GALNTL6: variants seen among roughly 807,000 people sequenced by gnomAD.
GALNTL6 encodes polypeptide N-acetylgalactosaminyltransferase like 6.
Under a neutral mutation model 73.7 loss-of-function variants are expected in GALNTL6, and 46 were observed. That is an observed-to-expected ratio of 0.62 (90% CI 0.49 to 0.80). GALNTL6 has a LOEUF of 0.80. GALNTL6 is among the 30% of genes least tolerant of loss of function. GALNTL6 has a pLI of 0.00. For synonymous variants in GALNTL6, 259 were observed against 263.7 expected, an observed-to-expected ratio of 0.98 and a Z score of 0.17; for missense variants, 604 against 755.0, an observed-to-expected ratio of 0.80 and a Z score of 2.34.
chr4:173,030,800 G>A (rs1315015895), intron 12 of GALNTL6, among the ~76,000 whole-genome samples: 3 of 142,544 alleles, frequency 2.1e-5, no homozygotes, highest in African/African-American at 8.0e-5. Flanking sequence ...AGGAGCTCAA[G>A]ATCAGCATGG....
At chr4:172,414,299 C>A (rs1030267583) in intron 5 of GALNTL6, among the ~76,000 whole-genome samples, 3 of 152,218 alleles carry the variant, frequency 2.0e-5, no homozygotes, top group African/African-American at 7.2e-5. Flanking sequence ...GCTTTTCGTA[C>A]AGAATTGCCA....
chr4:172,651,514 A>C (rs1471361940), intron 5 of GALNTL6, among the ~76,000 whole-genome samples: 1 of 152,212 alleles, frequency 6.6e-6, no homozygotes, highest in African/African-American at 2.4e-5. Context: ...TTGTTCCTCA[A>C]CTAGTAAATG....
Position 172,346,988 on chromosome 4 carries a change from C to CTTTTTTT in GALNTL6, c.387-1522_387-1516dup, listed in dbSNP as rs34332250. 2.4e-4 allele frequency among the ~76,000 whole-genome samples: 28 copies of CTTTTTTT among 114,406 alleles called. 1 individual carries two copies. The highest frequency in any genetic ancestry group is 9.3e-4 in the African/African-American group (27 of 28,954). 75.1% of individuals were successfully genotyped at this position (114,406 alleles called of 152,430 possible). On this transcript the variant is annotated intron_variant, in intron 4 of 12. Transcript: ENST00000506823. ...TTTTTTCTTTTCTTTTGTTTTCTTT[C>CTTTTTTT]TTTTTTTTTTTTTTTTTTTGAGACA...
chr4:173,018,722 G>A (rs780734988), intron 11 of GALNTL6, among the ~76,000 whole-genome samples: 20 of 152,304 alleles, frequency 1.3e-4, no homozygotes, highest in Non-Finnish European at 2.2e-4. Flanking sequence ...CGGCACAGAA[G>A]GAAATACACA....
At chr4:172,865,186 A>G (rs1412155855) in intron 7 of GALNTL6, among the ~76,000 whole-genome samples, 1 of 152,250 alleles carries the variant, frequency 6.6e-6, no homozygotes, top group African/African-American at 2.4e-5. Flanking sequence ...AACTGCTGTC[A>G]TAGAGAAAAG....
intron 10 of GALNTL6, among the ~76,000 whole-genome samples, chr4:172,959,211 G>A (rs1749915846): frequency 6.6e-6 from 1 of 152,024 alleles, no homozygotes; most frequent in African/African-American, 2.4e-5. Context: ...CTATACTTGT[G>A]GTTTAAGGTG....
At chr4:172,981,368 T>C (rs1487994965) in intron 10 of GALNTL6, among the ~76,000 whole-genome samples, 1 of 152,242 alleles carries the variant, frequency 6.6e-6, no homozygotes, top group East Asian at 1.9e-4. Context: ...CACTTGTAGT[T>C]TTCCACTGTT....
chr4:172,025,404 A>G (rs1429495624), intron 2 of GALNTL6, among the ~76,000 whole-genome samples: 1 of 152,048 alleles, frequency 6.6e-6, no homozygotes, highest in Non-Finnish European at 1.5e-5. Flanking sequence ...TTCTAGTAGC[A>G]GTACAACATT....
intron 3 of GALNTL6, 41 bp from the exon 4 acceptor site, chr4:172,311,572 CT>C: frequency 6.5e-7 from 1 of 1,544,578 alleles, no homozygotes; most frequent in South Asian, 1.2e-5. Context: ...GATAAAATGG[CT>C]TTTATAGAGA....
intron 5 of GALNTL6, among the ~76,000 whole-genome samples, chr4:172,634,636 A>G (rs776962454): frequency 1.4e-4 from 21 of 152,354 alleles, no homozygotes; most frequent in Non-Finnish European, 2.5e-4. Context: ...GAAAGTTTCA[A>G]CATTATTATA....
rs577931674 is a variant in GALNTL6 at position 172,037,530 on chromosome 4, CCT to C, written c.139-192121_139-192120del. 1.7e-3 allele frequency among the ~76,000 whole-genome samples: 254 copies of C among 152,280 alleles called. 1 individual carries two copies. Among genetic ancestry groups the C allele is most frequent in the Admixed American group, 5.6e-3 (85 of 15,282 alleles). ...AAACACTAAAAATGCCCTCTACATT[CCT>C]CTCTTTTCCTTGTCCCTCCTATTAT... On this transcript the variant is annotated intron_variant, in intron 2 of 12. Transcript: ENST00000506823.
At chr4:172,086,234 A>T (rs1732028804) in intron 2 of GALNTL6, among the ~76,000 whole-genome samples, 1 of 152,120 alleles carries the variant, frequency 6.6e-6, no homozygotes, top group Admixed American at 6.6e-5. Flanking sequence ...TAATACTATG[A>T]TTTTTAAATG....
chr4:172,775,326 A>G (rs1432849314), intron 5 of GALNTL6, among the ~76,000 whole-genome samples: 1 of 152,192 alleles, frequency 6.6e-6, no homozygotes, highest in African/African-American at 2.4e-5. Context: ...TTAAGTGATT[A>G]TTTGAGTTTC....
intron 5 of GALNTL6, among the ~76,000 whole-genome samples, chr4:172,357,779 G>A (rs1473518563): frequency 6.6e-6 from 1 of 152,050 alleles, no homozygotes; most frequent in African/African-American, 2.4e-5. Flanking sequence ...TAGCAACTGA[G>A]AGGCTAGTGG....
chr4:172,649,826 G>C (rs551563408), intron 5 of GALNTL6, among the ~76,000 whole-genome samples: 82 of 152,196 alleles, frequency 5.4e-4, no homozygotes, highest in African/African-American at 1.9e-3. Context: ...CCTTATACTT[G>C]TACATATTAT....
chr4:172,879,747 A>G (rs962448910), intron 7 of GALNTL6, among the ~76,000 whole-genome samples: 1 of 151,926 alleles, frequency 6.6e-6, no homozygotes, highest in Non-Finnish European at 1.5e-5. Context: ...AAGTAAGCAG[A>G]AGAATTAAAA....
chr4:171,936,286 G>A (rs1738343280), intron 2 of GALNTL6, among the ~76,000 whole-genome samples: 1 of 152,040 alleles, frequency 6.6e-6, no homozygotes. Flanking sequence ...ACTTGGAAAA[G>A]GTATGTAACA....
At chr4:172,202,094 C>T (rs1735975476) in intron 2 of GALNTL6, among the ~76,000 whole-genome samples, 1 of 152,178 alleles carries the variant, frequency 6.6e-6, no homozygotes, top group South Asian at 2.1e-4. Context: ...AATATCATCT[C>T]ATGTAAATGT....
intron 5 of GALNTL6, among the ~76,000 whole-genome samples, chr4:172,757,092 A>G (rs1249454730): frequency 1.3e-5 from 2 of 152,212 alleles, no homozygotes; most frequent in Non-Finnish European, 2.9e-5. Flanking sequence ...GTAAAAAATT[A>G]TGAATAATAA....
Sources: gnomAD v4.1 joint callset for allele counts (sites outside exome capture counted in the v4.1 genomes callset) on GRCh38, gnomAD v4.1.1 for gene constraint, MANE v1.5 for transcripts, NCBI Gene and HGNC (gene_info 2026-07-23, HGNC 2026-07-21) for gene names.